Variants in CNOT6 observed in about 807,000 individuals in gnomAD.
CNOT6 encodes CCR4-NOT transcription complex subunit 6.
Under a neutral mutation model 61.2 loss-of-function variants are expected in CNOT6, and 12 were observed. The observed-to-expected ratio is 0.20, with a 90% CI of 0.13 to 0.32. The LOEUF (loss-of-function observed/expected upper bound fraction) is 0.32. Ranked by LOEUF, CNOT6 falls within the 10% of genes least tolerant of loss-of-function variation. The pLI, the probability that CNOT6 is intolerant of heterozygous loss-of-function variation, is 1.00. For synonymous variants in CNOT6, 225 were observed against 240.6 expected (o/e 0.94, Z 0.60); for missense variants, 405 against 663.9 (o/e 0.61, Z 4.28).
chr5:180,516,566 C>T (rs756755267), intron 1 of CNOT6, among the ~76,000 whole-genome samples: 5 of 152,084 alleles, frequency 3.3e-5, no homozygotes, highest in Non-Finnish European at 7.3e-5. Flanking sequence ...AAAATCTGGC[C>T]CACTAAAATA....
chr5:180,509,605 T>C (rs1017575232), intron 1 of CNOT6, among the ~76,000 whole-genome samples: 1 of 151,496 alleles, frequency 6.6e-6, no homozygotes, highest in African/African-American at 2.4e-5. Context: ...TTTTTGTATT[T>C]AGTAGAGATG....
At chr5:180,566,075 T>C in intron 7 of CNOT6, 98 bp downstream of exon 7, 1 of 1,134,530 alleles carries the variant, frequency 8.8e-7, no homozygotes, top group South Asian at 1.7e-5. Flanking sequence ...CTTCAGTAGT[T>C]CTTAAAGTAC....
chr5:180,505,515 C>A (rs1757093518), intron 1 of CNOT6, among the ~76,000 whole-genome samples: 1 of 146,308 alleles, frequency 6.8e-6, no homozygotes, highest in African/African-American at 2.6e-5. Flanking sequence ...CTCGGCCTCC[C>A]AAAGTACTGG....
rs545704850 is a variant in CNOT6 at position 180,554,787 on chromosome 5, T to C, written c.385+1316T>C. On this transcript the variant is annotated intron_variant, in intron 4 of 11. Transcript: ENST00000261951. Reference sequence around the variant, plus strand: ...GCCAGAATTAACAGTGAATACTTTATCATTTTTGTGTATAATTTTTTTAAT... The same window carrying C: ...GCCAGAATTAACAGTGAATACTTTACCATTTTTGTGTATAATTTTTTTAAT... 3.3e-5 allele frequency among the ~76,000 whole-genome samples: 5 copies of C among 152,292 alleles called. No individual in the cohort carries two copies. The East Asian group carries it at 5.8e-4, about 18-fold the overall frequency.
At chr5:180,524,445 C>CT (rs1006476110) in intron 1 of CNOT6, among the ~76,000 whole-genome samples, 309 of 148,214 alleles carry the variant, frequency 2.1e-3, no homozygotes, top group South Asian at 7.9e-3. Flanking sequence ...TTATTCTAGC[C>CT]TTTTTTTTTT....
intron 1 of CNOT6, among the ~76,000 whole-genome samples, chr5:180,518,825 C>A (rs964031799): frequency 6.6e-6 from 1 of 152,174 alleles, no homozygotes; most frequent in Non-Finnish European, 1.5e-5. Context: ...GATTTATAAA[C>A]GCGCTCTTTC....
At chr5:180,528,477 AT>A (rs879734122) in intron 1 of CNOT6, among the ~76,000 whole-genome samples, 47 of 146,724 alleles carry the variant, frequency 3.2e-4, no homozygotes, top group Admixed American at 6.1e-4. Context: ...TGCCCGGCTA[AT>A]TTTTTTTTTT....
At chr5:180,546,694 G>A (rs1759334073) in intron 2 of CNOT6, among the ~76,000 whole-genome samples, 1 of 152,048 alleles carries the variant, frequency 6.6e-6, no homozygotes, top group Admixed American at 6.6e-5. Flanking sequence ...TCTGGTGTTC[G>A]TTTCTGTTAA....
At chr5:180,571,492 C>A in intron 11 of CNOT6, 60 bp downstream of exon 11, 1 of 1,192,336 alleles carries the variant, frequency 8.4e-7, no homozygotes, top group Non-Finnish European at 1.2e-6. Context: ...TGTTCTGATA[C>A]ATCATTATGT....
intron 10 of CNOT6, among the ~76,000 whole-genome samples, chr5:180,569,704 G>T (rs893698062): frequency 6.6e-6 from 1 of 152,122 alleles, no homozygotes; most frequent in African/African-American, 2.4e-5. Context: ...TTAAATTTGA[G>T]TTAAAATTAT....
chr5:180,512,973 G>A (rs976795498), intron 1 of CNOT6, among the ~76,000 whole-genome samples: 4 of 151,626 alleles, frequency 2.6e-5, no homozygotes, highest in South Asian at 2.1e-4. Flanking sequence ...TCGGCTCACT[G>A]CAAGCTCCGC....
At chr5:180,546,776 A>G (rs1445549969) in intron 2 of CNOT6, among the ~76,000 whole-genome samples, 1 of 152,210 alleles carries the variant, frequency 6.6e-6, no homozygotes, top group Non-Finnish European at 1.5e-5. Flanking sequence ...AGGTAGATCA[A>G]CTGGCAATGA....
At chr5:180,539,074 C>G (rs550183072) in intron 2 of CNOT6, among the ~76,000 whole-genome samples, 1 of 149,976 alleles carries the variant, frequency 6.7e-6, no homozygotes, top group African/African-American at 2.5e-5. Context: ...GCTCGGGAGG[C>G]TGAGGCAGGA....
Position 180,572,480 on chromosome 5 carries a change from G to A in CNOT6, c.1461+1048G>A, listed in dbSNP as rs182196439. Reference sequence around the variant, plus strand: ...GCTGGGATTACAGGCATGAGCCACCGCACCTGGTCAGACTTACACCATTTT... The same window carrying A: ...GCTGGGATTACAGGCATGAGCCACCACACCTGGTCAGACTTACACCATTTT... On this transcript the variant is annotated intron_variant, in intron 11 of 11. Coordinates refer to ENST00000261951, the MANE Select transcript of CNOT6 (RefSeq NM_001370472.1). 3.4e-4 allele frequency among the ~76,000 whole-genome samples: 52 copies of A among 151,088 alleles called. No individual in the cohort carries two copies. In the East Asian group the frequency reaches 8.4e-3, roughly 24 times the overall value.
intron 9 of CNOT6, 90 bp from the exon 10 acceptor site, chr5:180,569,020 G>C (rs1032916082): frequency 1.1e-6 from 1 of 919,768 alleles, no homozygotes; most frequent in African/African-American, 1.7e-5. Flanking sequence ...CTGGGACTCT[G>C]AGAGATTATT....
chr5:180,550,177 G>A (rs1211990865), intron 3 of CNOT6, 60 bp downstream of exon 3: 126 of 1,351,080 alleles, frequency 9.3e-5, no homozygotes, highest in Non-Finnish European at 1.3e-4. Flanking sequence ...AATATAGGCC[G>A]GGCGCAGTGG....
intron 4 of CNOT6, among the ~76,000 whole-genome samples, chr5:180,558,493 C>G (rs1489952491): frequency 6.8e-6 from 1 of 147,868 alleles, no homozygotes; most frequent in Non-Finnish European, 1.5e-5. Flanking sequence ...GCGCGCCCTC[C>G]TTCGGCAGAA....
At chr5:180,525,595 A>G (rs992088795) in intron 1 of CNOT6, among the ~76,000 whole-genome samples, 1 of 152,120 alleles carries the variant, frequency 6.6e-6, no homozygotes, top group African/African-American at 2.4e-5. Flanking sequence ...AGCATAGCAT[A>G]ATTAAAGTAG....
intron 2 of CNOT6, among the ~76,000 whole-genome samples, chr5:180,532,328 G>A (rs1309832383): frequency 1.3e-5 from 2 of 151,998 alleles, no homozygotes; most frequent in African/African-American, 2.4e-5. Flanking sequence ...ATTAGGATAC[G>A]CAAGAAAGCA....
Sources: allele counts gnomAD v4.1 joint callset (sites outside exome capture counted in the v4.1 genomes callset), GRCh38; gene constraint gnomAD v4.1.1; transcripts MANE v1.5; gene names NCBI Gene and HGNC (gene_info 2026-07-23, HGNC 2026-07-21).